Variants in DNAAF3 observed in about 807,000 individuals in gnomAD.
DNAAF3 encodes UPF0470 protein C19orf51.
DNAAF3 carries 40 observed loss-of-function variants against 50.9 expected under a neutral mutation model. The observed-to-expected ratio is 0.79, with a 90% CI of 0.61 to 1.02. The LOEUF (loss-of-function observed/expected upper bound fraction) is 1.02. Among genes scored for constraint, DNAAF3 ranks in the 50% least tolerant of loss-of-function variants. The pLI, the probability that DNAAF3 is intolerant of heterozygous loss-of-function variation, is 0.00. For missense variants in DNAAF3, 763 were observed against 744.7 expected (o/e 1.02, Z -0.29); for synonymous variants, 327 against 322.8 (o/e 1.01, Z -0.14).
Position 55,160,521 on chromosome 19 carries a change from G to T in DNAAF3, c.1048+119C>A. The T allele has an allele frequency of 6.6e-7, 1 of 1,513,972 alleles. No individual in the cohort carries two copies. The highest frequency in any genetic ancestry group is 1.2e-5 in the South Asian group (1 of 84,842). The allele number at this position is 1,513,972 out of a possible 1,614,324, so 93.8% of individuals were successfully genotyped here. On this transcript the variant is annotated intron_variant, in intron 9 of 11. Coordinates refer to ENST00000524407, the MANE Select transcript of DNAAF3 (RefSeq NM_001256715.2). This position sits in a 1 kb window ranked among gnomAD's most constrained non-coding sequence, Gnocchi z 4.7. ...AAAGGGAGAGAAAGAGAGAAAAAGA[G>T]ACAGAATATCAAGAAGCCGTCACTT...
chr19:55,159,690 G>A (rs762252051), intron 10 of DNAAF3, 83 bp from the exon 11 acceptor site: 1 of 1,594,596 alleles, frequency 6.3e-7, no homozygotes, highest in Non-Finnish European at 8.5e-7. Context: ...GACAATGAGG[G>A]AGGAGGGGTG....
At position 55,158,933 on chromosome 19, in the gene DNAAF3, G is replaced by T; in HGVS notation, c.*129C>A. 1 of 1,013,682 alleles carries T rather than the reference G, an allele frequency of 9.9e-7. No individual in the cohort carries two copies. The highest frequency in any genetic ancestry group is 1.4e-6 in the Non-Finnish European group (1 of 712,058). 62.8% of individuals were successfully genotyped at this position (1,013,682 alleles called of 1,614,324 possible). On this transcript the variant is annotated 3_prime_UTR_variant, in exon 12 of 12. Transcript: ENST00000524407. ...TACCAACACTCCCGGGGTGGGGGTGGCGGGTACTGAGTGGGAATGATTAGA... is the reference window on the plus strand; with the variant it reads ...TACCAACACTCCCGGGGTGGGGGTGTCGGGTACTGAGTGGGAATGATTAGA...
chr19:55,159,628 A>G (rs1975877511), intron 10 of DNAAF3, 21 bp from the exon 11 acceptor site: 1 of 1,612,470 alleles, frequency 6.2e-7, no homozygotes, highest in African/African-American at 1.3e-5. Flanking sequence ...GACGGAGGAC[A>G]GGCTGAGATT....
At position 55,161,758 on chromosome 19, in the gene DNAAF3, G is replaced by A. The variant is rs779513484; in HGVS notation, c.548C>T (p.Ala183Val). 3 of 1,521,444 alleles carry A rather than the reference G, an allele frequency of 2.0e-6. No individual in the cohort carries two copies. Among genetic ancestry groups the A allele is most frequent in the African/African-American group, 1.4e-5 (1 of 71,972 alleles). 94.2% of individuals were successfully genotyped at this position (1,521,444 alleles called of 1,614,324 possible). A position where few individuals can be genotyped will look rare whatever the true frequency, so the allele number is the denominator to read the frequency against. ...FWAGGEKGPQ[A>V]FPMSRLWDSR... The stretch of plus-strand genomic sequence containing the variant: ...GTCCCAGAGGCGGCTCATGGGGAAC[G>A]CCTGGGGCCCTTTCTCGCCGCCAGC... The change falls in exon 6 of 12, where the codon GCG becomes GTG. Residue 183 changes from alanine to valine, a missense_variant. Physicochemically the swap from Ala to Val is moderately conservative, Grantham distance 64 (BLOSUM62 0). Transcript: ENST00000524407. This position sits in a 1 kb window ranked among gnomAD's most constrained non-coding sequence, Gnocchi z 6.4.
Position 55,165,934 on chromosome 19 carries a change from A to C in DNAAF3, c.152T>G (p.Leu51Arg). The C allele has an allele frequency of 1.9e-6, 3 of 1,614,238 alleles. No individual in the cohort carries two copies. Among genetic ancestry groups the C allele is most frequent in the Non-Finnish European group, 2.5e-6 (3 of 1,180,046 alleles). The stretch of plus-strand genomic sequence containing the variant: ...GTGCCGTCCATCCACAGAGCCCAGA[A>C]GCAGCACATCTAGCTCGGGGTTGCT... ...VHSNPELDVL[L>R]LGSVDGRHLL... Residue 51 changes from leucine to arginine, a missense_variant, in exon 3 of 12, where the codon CTT becomes CGT. Coordinates refer to ENST00000524407, the MANE Select transcript of DNAAF3 (RefSeq NM_001256715.2).
intron 4 of DNAAF3, among the ~76,000 whole-genome samples, chr19:55,163,312 A>ATTTTTTTTTTT (rs34371299): frequency 1.4e-4 from 12 of 87,232 alleles, no homozygotes; most frequent in South Asian, 3.6e-4. Context: ...CCGGCGGCTA[A>ATTTTTTTTTTT]TTTTTTTTTT....
Position 55,166,427 on chromosome 19 carries a change from A to G in DNAAF3, c.-4-10T>C. 1 of 1,613,956 alleles carries G rather than the reference A, an allele frequency of 6.2e-7. No homozygotes were observed. The highest frequency in any genetic ancestry group is 8.5e-7 in the Non-Finnish European group (1 of 1,179,902). On this transcript the variant is annotated splice_polypyrimidine_tract_variant and intron_variant, in intron 1 of 11. Transcript: ENST00000524407. The surrounding 1 kb of genome is among the most constrained non-coding windows in gnomAD (Gnocchi z 4.0). The stretch of plus-strand genomic sequence containing the variant: ...AGGTGTGGTCATCACCCTGCGGAAA[A>G]GACATTCTGGGAATCGCACACATTG...
At chr19:55,165,176 G>T (rs1029419157) in intron 4 of DNAAF3, among the ~76,000 whole-genome samples, 194 bp downstream of exon 4, 2 of 151,756 alleles carry the variant, frequency 1.3e-5, no homozygotes, top group African/African-American at 4.8e-5. Context: ...ATTAACAGGC[G>T]TGAGCCACCG....
Position 55,160,817 on chromosome 19 carries a change from G to A in DNAAF3, c.913-42C>T, listed in dbSNP as rs1345991098. The A allele has an allele frequency of 6.3e-7, 1 of 1,587,898 alleles. No individual in the cohort carries two copies. The highest frequency in any genetic ancestry group is 1.8e-4 in the Middle Eastern group (1 of 5,412). The stretch of plus-strand genomic sequence containing the variant: ...CGTGGCCAGACGTCGGGGCCAGGAT[G>A]GCGGGGCGGGGCTTAGAACGCTGGG... On this transcript the variant is annotated intron_variant, in intron 8 of 11. Transcript: ENST00000524407. This position sits in a 1 kb window ranked among gnomAD's most constrained non-coding sequence, Gnocchi z 4.7.
intron 4 of DNAAF3, 70 bp downstream of exon 4, chr19:55,165,300 G>T: frequency 1.4e-6 from 2 of 1,441,174 alleles, no homozygotes; most frequent in Non-Finnish European, 2.0e-6. Context: ...TTGTACCATT[G>T]AAATGCCAGA....
At position 55,165,432 on chromosome 19, in the gene DNAAF3, A is replaced by G; in HGVS notation, c.260T>C (p.Val87Ala). 1.2e-6 allele frequency: 2 copies of G among 1,614,082 alleles called. No homozygotes were observed. The highest frequency in any genetic ancestry group is 3.3e-4 in the Middle Eastern group (2 of 6,054). Residue 87 changes from valine to alanine, a missense_variant, in exon 4 of 12, where the codon GTG becomes GCG. Val to Ala is a moderately conservative substitution (Grantham distance 64). Coordinates refer to ENST00000524407, the MANE Select transcript of DNAAF3 (RefSeq NM_001256715.2). ...GCTGAAGATCAGCATGTGTCGGGCC[A>G]CAGCTTCCAGATTATTCTCCAGCAC... Reference protein sequence around the residue: ...FFVLENNLEAVARHMLIFSLA... With the variant: ...FFVLENNLEAAARHMLIFSLA...
In DNAAF3 at chr19:55,159,445, G is replaced by C. The variant is rs372062264; in HGVS notation, c.1243C>G (p.Leu415Val). 2 of 1,613,640 alleles carry C rather than the reference G, an allele frequency of 1.2e-6. No individual in the cohort carries two copies. The highest frequency in any genetic ancestry group is 1.3e-5 in the African/African-American group (1 of 75,042). Residue 415 changes from leucine (L) to valine (V), a missense_variant, in exon 12 of 12, where the codon CTG (leucine) becomes GTG (valine). By Grantham distance (32) the Leu-to-Val change is conservative. Transcript: ENST00000524407. ...AGCTGCTCCTGCCGCACGTCCACCA[G>C]GTACCTGCAGATGGGAAGCGCCCTG... ...GNLIVELARY[L>V]VDVRQEQLQG... is the part of the protein sequence containing the mutation.
intron 3 of DNAAF3, 43 bp from the exon 4 acceptor site, chr19:55,165,506 C>T: frequency 6.2e-7 from 1 of 1,605,020 alleles, no homozygotes; most frequent in Non-Finnish European, 8.5e-7. Context: ...GACCTGTTTG[C>T]CTGGGTCCTA....
In DNAAF3 at chr19:55,165,401, G is replaced by T. The variant is rs569627336; in HGVS notation, c.291C>A (p.Ala97=). 3 of 1,614,108 alleles carry T rather than the reference G, an allele frequency of 1.9e-6. No individual in the cohort carries two copies. The highest frequency in any genetic ancestry group is 2.5e-6 in the Non-Finnish European group (3 of 1,180,016). ...VARHMLIFSL[A]LEEPEKMGLQ... ...GCCCCATCTTCTCCGGTTCCTCCAG[G>T]GCTAGGCTGAAGATCAGCATGTGTC... The change falls in exon 4 of 12, where the codon GCC becomes GCA. Residue 97 remains alanine, a synonymous_variant. Transcript: ENST00000524407.
At chr19:55,163,134 G>T (rs10415231) in intron 4 of DNAAF3, among the ~76,000 whole-genome samples, 20,057 of 148,726 alleles carry the variant, frequency 0.13, 1,624 homozygotes, top group African/African-American at 0.22. Flanking sequence ...CTCAGCCTCC[G>T]GAGTAGCTGG....
rs1394215513 is a variant in DNAAF3, at chr19:55,159,578, C to T, written c.1193G>A (p.Gly398Glu). ...GMVHLLIPEL[G>E]ACVAPGGNLI... ...GTTCCCTCCGGGTGCCACACAGGCC[C>T]CAAGCTCAGGGATGAGAAGATGGAC... is the stretch of plus-strand genomic sequence containing the variant. Residue 398 changes from glycine to glutamate, a missense_variant, in exon 11 of 12, where the codon GGG becomes GAG. By Grantham distance (98) the Gly-to-Glu change is moderately conservative. Transcript: ENST00000524407. 2 of 1,609,226 alleles carry T rather than the reference C, an allele frequency of 1.2e-6. No homozygotes were observed. Among genetic ancestry groups the T allele is most frequent in the Non-Finnish European group, 1.7e-6 (2 of 1,177,668 alleles).
chr19:55,162,581 G>A (rs892870876), intron 4 of DNAAF3: 6 of 963,248 alleles, frequency 6.2e-6, no homozygotes, highest in Middle Eastern at 4.5e-4. Flanking sequence ...GTGAGACTCC[G>A]CCTCTAAAAT....
chr19:55,162,535 G>C, intron 4 of DNAAF3: 1 of 835,508 alleles, frequency 1.2e-6, no homozygotes. Flanking sequence ...GCAATGGGCC[G>C]AGATCATGCC....
At chr19:55,162,873 T>TA (rs1202424642) in intron 4 of DNAAF3, 1 of 184,902 alleles carries the variant, frequency 5.4e-6, no homozygotes, top group Non-Finnish European at 1.0e-5. Flanking sequence ...TGTGCCATCA[T>TA]AGTTCACTGT....
Sources: gnomAD v4.1 joint callset for allele counts (sites outside exome capture counted in the v4.1 genomes callset) on GRCh38, gnomAD v4.1.1 for gene constraint, Gnocchi (gnomAD v3.1) non-coding constraint, MANE v1.5 for transcripts, NCBI Gene and HGNC (gene_info 2026-07-23, HGNC 2026-07-21) for gene names.